Variants in ORC4 observed in about 807,000 individuals in gnomAD.
The protein encoded by ORC4 is origin recognition complex, subunit 4 homolog.
A neutral mutation model predicts 63.9 loss-of-function variants in ORC4; 55 were observed. That is an observed-to-expected ratio of 0.86 (90% CI 0.69 to 1.08). The LOEUF is 1.08. Ranked by LOEUF, ORC4 falls within the 50% of genes least tolerant of loss-of-function variation. The pLI is 0.00. For missense variants in ORC4, 511 were observed against 504.4 expected (o/e 1.01, Z -0.13); for synonymous variants, 150 against 168.5 (o/e 0.89, Z 0.85).
intron 10 of ORC4, 34 bp downstream of exon 10, chr2:147,943,402 A>C (rs776486348): frequency 7.2e-7 from 1 of 1,393,044 alleles, no homozygotes; most frequent in African/African-American, 1.4e-5. Flanking sequence ...AACAAAAACA[A>C]AGCAACAAGC....
At chr2:147,983,652 G>A (rs1691020108) in intron 1 of ORC4, among the ~76,000 whole-genome samples, 1 of 152,222 alleles carries the variant, frequency 6.6e-6, no homozygotes, top group African/African-American at 2.4e-5. Flanking sequence ...TTATCCCATT[G>A]AAGATGCCCT....
At chr2:147,969,960 A>T (rs920802512) in intron 4 of ORC4, among the ~76,000 whole-genome samples, 1 of 152,076 alleles carries the variant, frequency 6.6e-6, no homozygotes, top group South Asian at 2.1e-4. Context: ...AAGTAAAAAA[A>T]TCTCAAAGAA....
In ORC4 at chr2:147,967,754, CTATCA is replaced by C. The variant is rs17219043; in HGVS notation, c.225+4980_225+4984del. On this transcript the variant is annotated intron_variant, in intron 4 of 13. Coordinates refer to ENST00000392857, the MANE Select transcript of ORC4 (RefSeq NM_181741.4). The stretch of plus-strand genomic sequence containing the variant: ...GCAATCTACAGTTTCAATGATATTC[CTATCA>C]TAACACTAATGATATTCTTCACAGA... Among the ~76,000 whole-genome samples the C allele has an allele frequency of 5.7e-3, 870 of 151,928 alleles. 4 individuals carry two copies. The highest frequency in any genetic ancestry group is 0.01 in the Middle Eastern group (3 of 294).
At chr2:148,017,425 A>G (rs1286007949) in intron 1 of ORC4, among the ~76,000 whole-genome samples, 1 of 152,222 alleles carries the variant, frequency 6.6e-6, no homozygotes, top group Admixed American at 6.5e-5. Flanking sequence ...TGATCCCATC[A>G]CTTTGGAAGC....
At chr2:147,940,542 A>C (rs1208496755) in intron 10 of ORC4, among the ~76,000 whole-genome samples, 1 of 152,124 alleles carries the variant, frequency 6.6e-6, no homozygotes, top group East Asian at 1.9e-4. Context: ...AATGCCCATC[A>C]ATCAACGAGT....
chr2:147,943,541 A>C lies in ORC4; in HGVS notation c.763-19T>G, dbSNP rs774100888. The stretch of plus-strand genomic sequence containing the variant: ...AGAGATACTAAAAGGAAAAAAAAAA[A>C]AAAAGCCAAAATTGAGGAAAGATGT... On this transcript the variant is annotated intron_variant, in intron 9 of 13. Coordinates refer to ENST00000392857, the MANE Select transcript of ORC4 (RefSeq NM_181741.4). The C allele has an allele frequency of 6.7e-7, 1 of 1,489,158 alleles. No individual in the cohort carries two copies. The highest frequency in any genetic ancestry group is 9.3e-7 in the Non-Finnish European group (1 of 1,071,226). The allele number at this position is 1,489,158 out of a possible 1,614,324, so 92.2% of individuals were successfully genotyped here. A position where few individuals can be genotyped will look rare whatever the true frequency, so the allele number is the denominator to read the frequency against.
chr2:147,934,065 G>A lies in ORC4; in HGVS notation c.*1445C>T, dbSNP rs1687917175. On this transcript the variant is annotated 3_prime_UTR_variant, in exon 14 of 14. Coordinates refer to ENST00000392857, the MANE Select transcript of ORC4 (RefSeq NM_181741.4). ...ACTATTTGGTAAGGAATCCACTGTT[G>A]AACTTCAGGTCTTAATAGCACTGGC... 6.6e-6 allele frequency: 1 copy of A among 152,142 alleles called. No homozygotes were observed. Among genetic ancestry groups the A allele is most frequent in the South Asian group, 2.1e-4 (1 of 4,832 alleles). The allele number at this position is 152,142 out of a possible 1,614,324, so 9.4% of individuals were successfully genotyped here.
rs185108487 is a variant in ORC4, at chr2:147,947,964, G to A, written c.762+87C>T. Reference sequence around the variant, plus strand: ...CCTTCAGCAATATTAGAAACTTTGTGTTAATTTACTAATTTCTAAAATTTG... The same window carrying A: ...CCTTCAGCAATATTAGAAACTTTGTATTAATTTACTAATTTCTAAAATTTG... On this transcript the variant is annotated intron_variant, in intron 9 of 13. Coordinates refer to ENST00000392857, the MANE Select transcript of ORC4 (RefSeq NM_181741.4). The A allele has an allele frequency of 2.9e-4, 301 of 1,028,904 alleles. 4 individuals carry two copies. The East Asian group carries it at 7.1e-3, about 24-fold the overall frequency. 63.7% of individuals were successfully genotyped at this position (1,028,904 alleles called of 1,614,324 possible).
At chr2:147,937,545 G>T (rs1044979296) in intron 13 of ORC4, among the ~76,000 whole-genome samples, 1 of 152,082 alleles carries the variant, frequency 6.6e-6, no homozygotes, top group African/African-American at 2.4e-5. Context: ...ATACCTTACT[G>T]TTCTTCTATA....
chr2:147,942,513 C>T (rs1031994764), intron 10 of ORC4, among the ~76,000 whole-genome samples: 4 of 152,066 alleles, frequency 2.6e-5, no homozygotes, highest in East Asian at 1.9e-4. Context: ...TCATGCGAAA[C>T]GATCGAGAAT....
At chr2:148,012,118 A>T (rs775197644) in intron 1 of ORC4, among the ~76,000 whole-genome samples, 8 of 152,228 alleles carry the variant, frequency 5.3e-5, no homozygotes, top group Non-Finnish European at 1.0e-4. Flanking sequence ...ATGGAAGCAC[A>T]AAAGACCCCA....
At chr2:148,019,077 C>T (rs1303407130) in intron 1 of ORC4, among the ~76,000 whole-genome samples, 2 of 151,532 alleles carry the variant, frequency 1.3e-5, no homozygotes, top group Non-Finnish European at 2.9e-5. Context: ...TACAAAGTGG[C>T]AGACAATTGG....
At chr2:148,004,596 C>A (rs1347804104) in intron 1 of ORC4, among the ~76,000 whole-genome samples, 1 of 152,098 alleles carries the variant, frequency 6.6e-6, no homozygotes, top group African/African-American at 2.4e-5. Context: ...GCCCCCCCTT[C>A]CTTACACCTT....
At chr2:147,971,515 C>T (rs1690209225) in intron 4 of ORC4, among the ~76,000 whole-genome samples, 2 of 151,876 alleles carry the variant, frequency 1.3e-5, no homozygotes, top group African/African-American at 4.8e-5. Flanking sequence ...AGATGCTCAA[C>T]AGCATATGTC....
intron 10 of ORC4, among the ~76,000 whole-genome samples, chr2:147,942,982 A>G (rs570669026): frequency 6.6e-6 from 1 of 152,296 alleles, no homozygotes; most frequent in South Asian, 2.1e-4. Context: ...AATGTAATGA[A>G]TATGTGGGAA....
At chr2:147,998,216 A>G (rs1164578040) in intron 1 of ORC4, among the ~76,000 whole-genome samples, 2 of 144,242 alleles carry the variant, frequency 1.4e-5, no homozygotes, top group African/African-American at 2.6e-5. Context: ...GTGCAAGTGA[A>G]AAGCCAACAG....
intron 1 of ORC4, among the ~76,000 whole-genome samples, chr2:148,018,809 G>C (rs1403743830): frequency 1.3e-5 from 2 of 152,162 alleles, no homozygotes; most frequent in Non-Finnish European, 2.9e-5. Context: ...ATAAAAATCA[G>C]TATAGTGTTA....
intron 1 of ORC4, among the ~76,000 whole-genome samples, chr2:147,994,822 C>T (rs554942888): frequency 8.5e-5 from 13 of 152,320 alleles, no homozygotes; most frequent in African/African-American, 2.2e-4. Flanking sequence ...GTCAGGAGTT[C>T]GAAACCAGCC....
chr2:147,993,932 G>A (rs1691781898), intron 1 of ORC4, among the ~76,000 whole-genome samples: 2 of 151,968 alleles, frequency 1.3e-5, no homozygotes, highest in Admixed American at 1.3e-4. Context: ...TGTCCCAATA[G>A]TATGCTATGA....
Sources: allele counts gnomAD v4.1 joint callset (sites outside exome capture counted in the v4.1 genomes callset), GRCh38; gene constraint gnomAD v4.1.1; transcripts MANE v1.5; gene names NCBI Gene and HGNC (gene_info 2026-07-23, HGNC 2026-07-21).